NRXN3: variants seen among roughly 807,000 people sequenced by gnomAD.
NRXN3 encodes the protein neurexin III.
In NRXN3, 32 loss-of-function variants were observed where a neutral mutation model predicts 137.6. That is an observed-to-expected ratio of 0.23 (90% confidence interval 0.18 to 0.31). NRXN3 has a LOEUF of 0.31. NRXN3 is among the 10% of genes least tolerant of loss of function. NRXN3 has a pLI of 1.00. For synonymous variants in NRXN3, 798 were observed against 784.5 expected (o/e 1.02, Z -0.29); for missense variants, 1,574 against 2,062.5 (o/e 0.76, Z 4.59).
At chr14:79,770,959 C>T (rs1238639966) in intron 19 of NRXN3, among the ~76,000 whole-genome samples, 1 of 152,190 alleles carries the variant, frequency 6.6e-6, no homozygotes, top group Non-Finnish European at 1.5e-5. Context: ...ACCGATCCCA[C>T]AGAAATACAA....
chr14:79,836,024 C>T (rs957193896), intron 20 of NRXN3, among the ~76,000 whole-genome samples: 1 of 152,136 alleles, frequency 6.6e-6, no homozygotes, highest in African/African-American at 2.4e-5. Context: ...AATCAGAACT[C>T]AGTTTTGTGC....
intron 4 of NRXN3, among the ~76,000 whole-genome samples, chr14:78,355,938 C>G (rs890662934): frequency 1.3e-5 from 2 of 152,206 alleles, no homozygotes; most frequent in Non-Finnish European, 2.9e-5. Context: ...TTGTAGCATT[C>G]AGGTTTGTTC....
Position 78,943,621 on chromosome 14 carries a change from AATATATATATAT to A in NRXN3, c.2276-13574_2276-13563del, listed in dbSNP as rs60429358. Among the ~76,000 whole-genome samples, 194 of 27,830 alleles carry A rather than the reference AATATATATATAT, an allele frequency of 7.0e-3. 3 individuals are homozygous for A. Among genetic ancestry groups the A allele is most frequent in the Non-Finnish European group, 9.0e-3 (147 of 16,360 alleles). 18.3% of individuals were successfully genotyped at this position (27,830 alleles called of 152,430 possible). ...AGCAAGATCACTGTTAAAAAAAAAAAATATATATATATATATATATATATATATATATATATA... is the reference window on the plus strand; with the variant it reads ...AGCAAGATCACTGTTAAAAAAAAAAAATATATATATATATATATATATATA... On this transcript the variant is annotated intron_variant, in intron 10 of 20. Transcript: ENST00000335750.
At chr14:78,676,132 C>T (rs971187346) in intron 6 of NRXN3, among the ~76,000 whole-genome samples, 1 of 152,132 alleles carries the variant, frequency 6.6e-6, no homozygotes, top group Non-Finnish European at 1.5e-5. Flanking sequence ...ATTAATAGCC[C>T]TACTGTGGCC....
intron 15 of NRXN3, among the ~76,000 whole-genome samples, chr14:79,461,074 C>G (rs1002616883): frequency 2.0e-5 from 3 of 152,188 alleles, no homozygotes; most frequent in Non-Finnish European, 4.4e-5. Flanking sequence ...TCCCTAGTGG[C>G]TCCCTCTGTA....
chr14:78,953,164 C>G (rs2099390281), intron 10 of NRXN3, among the ~76,000 whole-genome samples: 1 of 152,088 alleles, frequency 6.6e-6, no homozygotes, highest in Non-Finnish European at 1.5e-5. Context: ...AAGGTGTGTG[C>G]CTTTAATAAT....
intron 15 of NRXN3, among the ~76,000 whole-genome samples, chr14:79,413,023 T>G (rs2095441759): frequency 1.3e-5 from 2 of 152,160 alleles, no homozygotes; most frequent in Admixed American, 6.6e-5. Context: ...TTGATTTGAC[T>G]GTCCTTGCCC....
chr14:78,403,476 T>G (rs2092259808), intron 4 of NRXN3, among the ~76,000 whole-genome samples: 1 of 152,096 alleles, frequency 6.6e-6, no homozygotes, highest in Admixed American at 6.6e-5. Context: ...AAGAGATAGG[T>G]TTGGCATGAC....
chr14:78,590,299 G>GAT lies in NRXN3; in HGVS notation c.758-54820_758-54819dup, dbSNP rs546100762. On this transcript the variant is annotated intron_variant, in intron 4 of 20. Coordinates refer to ENST00000335750, the MANE Select transcript of NRXN3 (RefSeq NM_001330195.2). ...TGGTCCCAGTCCACAAAGAGATCGT[G>GAT]ATCCCATTCCCCTTACCTGTACAAT... Among the ~76,000 whole-genome samples the GAT allele has an allele frequency of 5.7e-3, 868 of 152,320 alleles. 6 individuals carry two copies. The highest frequency in any genetic ancestry group is 0.02 in the African/African-American group (828 of 41,568).
chr14:78,243,082 C>T lies in NRXN3; in HGVS notation c.-12C>T. The T allele has an allele frequency of 6.7e-7, 1 of 1,499,526 alleles. No individual in the cohort carries two copies. The highest frequency in any genetic ancestry group is 8.9e-7 in the Non-Finnish European group (1 of 1,127,150). 92.9% of individuals were successfully genotyped at this position (1,499,526 alleles called of 1,614,324 possible). On this transcript the variant is annotated 5_prime_UTR_variant, in exon 2 of 21. Transcript: ENST00000335750. This position sits in a 1 kb window ranked among gnomAD's most constrained non-coding sequence, Gnocchi z 4.2. ...CCTGTCTGCTCCTCCGGGCTCTGTCCCAGCAGCGACAATGAGCTCCACACT... is the reference window on the plus strand; with the variant it reads ...CCTGTCTGCTCCTCCGGGCTCTGTCTCAGCAGCGACAATGAGCTCCACACT...
chr14:79,761,137 ATT>A (rs1229652778), intron 19 of NRXN3, among the ~76,000 whole-genome samples: 1 of 151,522 alleles, frequency 6.6e-6, no homozygotes. Context: ...GATTTAATAT[ATT>A]TTTATATATT....
intron 19 of NRXN3, among the ~76,000 whole-genome samples, chr14:79,772,127 G>T (rs2099080606): frequency 6.6e-6 from 1 of 151,448 alleles, no homozygotes; most frequent in South Asian, 2.1e-4. Flanking sequence ...GAATAAAAGA[G>T]GATACAAACA....
At chr14:78,406,843 G>A (rs1273729108) in intron 4 of NRXN3, among the ~76,000 whole-genome samples, 1 of 152,122 alleles carries the variant, frequency 6.6e-6, no homozygotes, top group Non-Finnish European at 1.5e-5. Flanking sequence ...CAGTGAACTG[G>A]TAGGGTCAGA....
intron 15 of NRXN3, among the ~76,000 whole-genome samples, chr14:79,019,908 A>C (rs768861442): frequency 6.6e-6 from 1 of 152,108 alleles, no homozygotes; most frequent in Non-Finnish European, 1.5e-5. Flanking sequence ...GGGGAGTTAG[A>C]CTTTCATCTG....
chr14:78,715,556 T>C (rs1364458940), intron 8 of NRXN3, among the ~76,000 whole-genome samples: 1 of 152,200 alleles, frequency 6.6e-6, no homozygotes, highest in Non-Finnish European at 1.5e-5. Context: ...TACATCGCTG[T>C]TTTTATGGAG....
At chr14:78,728,259 C>G (rs2098496589) in intron 8 of NRXN3, among the ~76,000 whole-genome samples, 1 of 152,082 alleles carries the variant, frequency 6.6e-6, no homozygotes, top group South Asian at 2.1e-4. Context: ...TGTAATCGTC[C>G]CTTTATTTAT....
At chr14:79,562,143 C>A (rs1005227517) in intron 16 of NRXN3, among the ~76,000 whole-genome samples, 7 of 151,918 alleles carry the variant, frequency 4.6e-5, no homozygotes, top group African/African-American at 1.7e-4. Flanking sequence ...TGGAATATAC[C>A]CCCCATTTCA....
intron 8 of NRXN3, among the ~76,000 whole-genome samples, chr14:78,771,986 C>T (rs2098729730): frequency 6.6e-6 from 1 of 152,122 alleles, no homozygotes; most frequent in African/African-American, 2.4e-5. Flanking sequence ...CAAGTCTAAA[C>T]ATGAAATTCA....
chr14:79,270,419 A>G (rs1438163967), intron 15 of NRXN3, among the ~76,000 whole-genome samples: 1 of 152,194 alleles, frequency 6.6e-6, no homozygotes, highest in East Asian at 1.9e-4. Flanking sequence ...GGACAATTGG[A>G]GATAAGGAAT....
Sources: allele counts gnomAD v4.1 joint callset (sites outside exome capture counted in the v4.1 genomes callset), GRCh38; gene constraint gnomAD v4.1.1; non-coding constraint Gnocchi (gnomAD v3.1); transcripts MANE v1.5; gene names NCBI Gene and HGNC (gene_info 2026-07-23, HGNC 2026-07-21).